The following KCNMB2 variants were observed in gnomAD, a reference collection of about 807,000 sequenced individuals.
KCNMB2 encodes the protein potassium calcium-activated channel subfamily M regulatory beta subunit 2.
Under a neutral mutation model 24.5 loss-of-function variants are expected in KCNMB2, and 9 were observed. That is an observed-to-expected ratio of 0.37 (90% CI 0.22 to 0.64). The LOEUF (loss-of-function observed/expected upper bound fraction) is 0.64, where lower values mean the gene tolerates loss of function less well. KCNMB2 is among the 30% of genes least tolerant of loss of function. The pLI is 0.63. For synonymous variants in KCNMB2, 109 were observed against 104.4 expected (o/e 1.04, Z -0.27); for missense variants, 226 against 284.3 (o/e 0.79, Z 1.47).
intron 1 of KCNMB2, among the ~76,000 whole-genome samples, chr3:178,643,259 T>C (rs778664062): frequency 2.6e-5 from 4 of 152,060 alleles, no homozygotes; most frequent in African/African-American, 7.2e-5. Flanking sequence ...GGGATCATAG[T>C]GGAAGGGATA....
intron 1 of KCNMB2, among the ~76,000 whole-genome samples, chr3:178,701,908 C>T (rs1336609167): frequency 2.0e-5 from 3 of 152,060 alleles, no homozygotes; most frequent in Admixed American, 1.3e-4. Context: ...CCCAGCCATA[C>T]CATTACCATT....
At chr3:178,540,096 T>G (rs1715567308) in intron 1 of KCNMB2, among the ~76,000 whole-genome samples, 1 of 152,166 alleles carries the variant, frequency 6.6e-6, no homozygotes, top group Non-Finnish European at 1.5e-5. Context: ...AGTTCGGAAT[T>G]CCACAAAATG....
rs1324992033 is a variant in KCNMB2 at position 178,835,360 on chromosome 3, G to C, written c.423+6987G>C. 3.3e-5 allele frequency among the ~76,000 whole-genome samples: 5 copies of C among 152,256 alleles called. No homozygotes were observed. In the East Asian group the frequency reaches 9.6e-4, roughly 29 times the overall value. On this transcript the variant is annotated intron_variant, in intron 4 of 4. Transcript: ENST00000452583. ...AACAAGTCTAAGGTAAATGTTGTAG[G>C]ATCCACTTTTTAAAAAAGTGACAGT...
rs151214596 is a variant in KCNMB2 at position 178,750,604 on chromosome 3, G to A, written c.-67-56739G>A. Among the ~76,000 whole-genome samples the A allele has an allele frequency of 1.8e-3, 272 of 152,248 alleles. 1 individual carries two copies. Among genetic ancestry groups the A allele is most frequent in the Admixed American group, 2.7e-3 (42 of 15,298 alleles). On this transcript the variant is annotated intron_variant, in intron 1 of 4. Coordinates refer to ENST00000452583, the MANE Select transcript of KCNMB2 (RefSeq NM_181361.3). ...TAACCTAGGTAGAAGGAGTCACTTT[G>A]TCTCCTTTAGACTCACCTTGTCATT...
At chr3:178,836,294 C>A (rs1022093755) in intron 4 of KCNMB2, among the ~76,000 whole-genome samples, 3 of 151,872 alleles carry the variant, frequency 2.0e-5, no homozygotes, top group Non-Finnish European at 4.4e-5. Flanking sequence ...AATAACTGTT[C>A]TGAAAGATTC....
At chr3:178,644,764 A>G (rs1020780581) in intron 1 of KCNMB2, among the ~76,000 whole-genome samples, 1 of 152,218 alleles carries the variant, frequency 6.6e-6, no homozygotes, top group African/African-American at 2.4e-5. Context: ...AGAAATAGCG[A>G]ACTTGGAGTC....
chr3:178,724,248 T>C (rs182315035), intron 1 of KCNMB2, among the ~76,000 whole-genome samples: 1 of 151,350 alleles, frequency 6.6e-6, no homozygotes, highest in Admixed American at 6.6e-5. Flanking sequence ...TGCATTTCTC[T>C]GACGATTAGT....
chr3:178,560,797 A>G (rs1386040601), intron 1 of KCNMB2, among the ~76,000 whole-genome samples: 1 of 152,262 alleles, frequency 6.6e-6, no homozygotes, highest in Non-Finnish European at 1.5e-5. Flanking sequence ...ATATGAAGTT[A>G]GTGCATTTTT....
At chr3:178,701,041 T>C (rs1236670278) in intron 1 of KCNMB2, among the ~76,000 whole-genome samples, 1 of 152,242 alleles carries the variant, frequency 6.6e-6, no homozygotes, top group African/African-American at 2.4e-5. Flanking sequence ...CATGCCTATG[T>C]CCTGAATGGT....
At chr3:178,679,847 A>G (rs1198987755) in intron 1 of KCNMB2, among the ~76,000 whole-genome samples, 1 of 152,050 alleles carries the variant, frequency 6.6e-6, no homozygotes, top group African/African-American at 2.4e-5. Context: ...CTATCATTTG[A>G]TTTTTGTATA....
At chr3:178,824,384 T>C (rs80059853) in intron 2 of KCNMB2, among the ~76,000 whole-genome samples, 5 of 152,154 alleles carry the variant, frequency 3.3e-5, no homozygotes, top group Non-Finnish European at 5.9e-5. Flanking sequence ...CTTTTTTTTT[T>C]CGAGATGGAG....
chr3:178,670,110 A>G (rs1250505144), intron 1 of KCNMB2, among the ~76,000 whole-genome samples: 2 of 152,196 alleles, frequency 1.3e-5, no homozygotes, highest in African/African-American at 2.4e-5. Flanking sequence ...TTCTATTACC[A>G]CTTATTGAGC....
chr3:178,560,912 C>G (rs1178256306), intron 1 of KCNMB2, among the ~76,000 whole-genome samples: 2 of 152,204 alleles, frequency 1.3e-5, no homozygotes, highest in African/African-American at 4.8e-5. Context: ...CCTGAGCCAC[C>G]ACCCTATACC....
chr3:178,566,321 T>A (rs1395512235), intron 1 of KCNMB2, among the ~76,000 whole-genome samples: 1 of 152,228 alleles, frequency 6.6e-6, no homozygotes, highest in African/African-American at 2.4e-5. Flanking sequence ...TAGATACTTT[T>A]AGAGGTAGGT....
At position 178,697,430 on chromosome 3, in the gene KCNMB2, G is replaced by A. The variant is rs1382211559; in HGVS notation, c.-67-109913G>A. Among the ~76,000 whole-genome samples the A allele has an allele frequency of 1.1e-4, 16 of 152,170 alleles. No homozygotes were observed. In the South Asian group the frequency reaches 3.1e-3, roughly 30 times the overall value. On this transcript the variant is annotated intron_variant, in intron 1 of 4. Transcript: ENST00000452583. Reference sequence around the variant, plus strand: ...GTTAGAAACTAGAATTGCAACCCCTGCTTTTTCCTGTTTTCCATTTGCTTG... The same window carrying A: ...GTTAGAAACTAGAATTGCAACCCCTACTTTTTCCTGTTTTCCATTTGCTTG...
intron 4 of KCNMB2, chr3:178,841,530 G>T (rs1322637870): frequency 6.6e-6 from 1 of 152,188 alleles, no homozygotes; most frequent in South Asian, 2.1e-4. Context: ...AATGAAAAAG[G>T]TTTAATTAAC....
At chr3:178,758,662 C>A (rs186812702) in intron 1 of KCNMB2, among the ~76,000 whole-genome samples, 1,501 of 7,740 alleles carry the variant, frequency 0.19, 46 homozygotes, top group African/African-American at 0.36. Context: ...ATATATATCT[C>A]TCTCCAAGAG....
At chr3:178,663,212 T>TA (rs959794302) in intron 1 of KCNMB2, among the ~76,000 whole-genome samples, 7 of 152,080 alleles carry the variant, frequency 4.6e-5, no homozygotes, top group African/African-American at 1.7e-4. Context: ...AAGCACTCTT[T>TA]AAGCCTCTGC....
chr3:178,604,823 A>T (rs930934940), intron 1 of KCNMB2, among the ~76,000 whole-genome samples: 2 of 152,178 alleles, frequency 1.3e-5, no homozygotes, highest in African/African-American at 4.8e-5. Flanking sequence ...AAATCATTTA[A>T]ATCAATCAGT....
Sources: gnomAD v4.1 joint callset for allele counts (sites outside exome capture counted in the v4.1 genomes callset) on GRCh38, gnomAD v4.1.1 for gene constraint, MANE v1.5 for transcripts, NCBI Gene and HGNC (gene_info 2026-07-23, HGNC 2026-07-21) for gene names.